The following SEC31B variants were observed in gnomAD, a reference collection of about 807,000 sequenced individuals.
SEC31B encodes protein transport protein Sec31B.
Under a neutral mutation model 135.0 loss-of-function variants are expected in SEC31B, and 113 were observed. That is an observed-to-expected ratio of 0.84 (90% CI 0.72 to 0.98). The LOEUF (loss-of-function observed/expected upper bound fraction) is 0.98. Ranked by LOEUF, SEC31B falls within the 50% of genes least tolerant of loss-of-function variation. The pLI is 0.00. For synonymous variants in SEC31B, 508 were observed against 549.4 expected (o/e 0.92, Z 1.05); for missense variants, 1,296 against 1,421.1 (o/e 0.91, Z 1.42).
At position 100,487,693 on chromosome 10, in the gene SEC31B, T is replaced by C; in HGVS notation, c.3463A>G (p.Ser1155Gly). ...AAGCTGGACACCTCGCTGAAGCTGC[T>C]ACAGCCCGCCACCTGGGCATGCACT... ...LAVHAQVAGC[S>G]SFSEVSSFMP... Residue 1155 changes from serine (S) to glycine (G), a missense_variant, in exon 26 of 26, where the codon AGC (serine) becomes GGC (glycine). Coordinates refer to ENST00000370345, the MANE Select transcript of SEC31B (RefSeq NM_015490.4). The C allele has an allele frequency of 6.2e-7, 1 of 1,613,946 alleles. No homozygotes were observed. Among genetic ancestry groups the C allele is most frequent in the Admixed American group, 1.7e-5 (1 of 60,004 alleles).
intron 3 of SEC31B, among the ~76,000 whole-genome samples, chr10:100,511,102 G>A (rs1044099690): frequency 6.6e-6 from 1 of 152,194 alleles, no homozygotes; most frequent in Non-Finnish European, 1.5e-5. Flanking sequence ...ACCTCAAGGG[G>A]GAGTCACCAA....
chr10:100,489,710 C>T lies in SEC31B; in HGVS notation c.3017G>A (p.Arg1006Lys). 1 of 1,614,056 alleles carries T rather than the reference C, an allele frequency of 6.2e-7. No homozygotes were observed. Among genetic ancestry groups the T allele is most frequent in the Admixed American group, 1.7e-5 (1 of 60,018 alleles). ...AGGGAAAGATGCATTGACCTTGTTC[C>T]TCTGGAGGTTTCCCCTGGGGGCTGG... ...EAPAPRGNLQ[R>K]NKLPETFMPP... Residue 1006 changes from arginine (R) to lysine (K), a missense_variant, in exon 22 of 26, where the codon AGG becomes AAG. By Grantham distance (26) the Arg-to-Lys change is conservative (BLOSUM62 2). Transcript: ENST00000370345.
chr10:100,490,637 C>G, intron 20 of SEC31B, 69 bp downstream of exon 20: 3 of 1,422,554 alleles, frequency 2.1e-6, no homozygotes, highest in Non-Finnish European at 2.8e-6. Context: ...CAAATCCATG[C>G]TGGCCATGCC....
chr10:100,508,322 A>G (rs1851671523), intron 5 of SEC31B: 2 of 547,890 alleles, frequency 3.7e-6, no homozygotes. Flanking sequence ...TTTAAAAAAC[A>G]GCCCTCTTGT....
At chr10:100,500,935 G>A (rs560460549) in intron 11 of SEC31B, among the ~76,000 whole-genome samples, 20 of 152,138 alleles carry the variant, frequency 1.3e-4, no homozygotes, top group Middle Eastern at 3.4e-3. Flanking sequence ...GGCCAGGCGC[G>A]GTGGCTCACG....
At chr10:100,506,587 TTAAG>T in intron 7 of SEC31B, 167 bp from the exon 8 acceptor site, 1 of 650,566 alleles carries the variant, frequency 1.5e-6, no homozygotes, top group Non-Finnish European at 2.6e-6. Context: ...TTTTGAAAAA[TTAAG>T]TAACTTTCCA....
chr10:100,509,787 T>A (rs1210747785), intron 3 of SEC31B, among the ~76,000 whole-genome samples: 1 of 152,218 alleles, frequency 6.6e-6, no homozygotes, highest in African/African-American at 2.4e-5. Context: ...TGTACATTTT[T>A]AAGTTAACAT....
rs1289701639 is a variant in SEC31B at position 100,499,144 on chromosome 10, T to C, written c.1584+16A>G. Reference sequence around the variant, plus strand: ...CTGTGTTACCATAGGTCAGGCTGACTGGACTCCTACCACACCTGGCTGCAG... The same window carrying C: ...CTGTGTTACCATAGGTCAGGCTGACCGGACTCCTACCACACCTGGCTGCAG... On this transcript the variant is annotated intron_variant, in intron 13 of 25. Coordinates refer to ENST00000370345, the MANE Select transcript of SEC31B (RefSeq NM_015490.4). 1 of 1,609,046 alleles carries C rather than the reference T, an allele frequency of 6.2e-7. No individual in the cohort carries two copies. The highest frequency in any genetic ancestry group is 8.5e-7 in the Non-Finnish European group (1 of 1,175,544).
At chr10:100,501,347 C>T (rs1450868134) in intron 11 of SEC31B, among the ~76,000 whole-genome samples, 2 of 152,176 alleles carry the variant, frequency 1.3e-5, no homozygotes, top group African/African-American at 4.8e-5. Flanking sequence ...AGGCTGAACT[C>T]CTGACCACTC....
intron 1 of SEC31B, among the ~76,000 whole-genome samples, chr10:100,517,905 C>T (rs1183419505): frequency 6.6e-6 from 1 of 152,082 alleles, no homozygotes; most frequent in Non-Finnish European, 1.5e-5. Flanking sequence ...CATTTAGTCT[C>T]CTTGATTTAA....
Position 100,490,797 on chromosome 10 carries a change from A to T in SEC31B, c.2559T>A (p.Tyr853Ter). 6.2e-7 allele frequency: 1 copy of T among 1,611,466 alleles called. No homozygotes were observed. The highest frequency in any genetic ancestry group is 8.5e-7 in the Non-Finnish European group (1 of 1,178,474). Residue 853 changes from tyrosine (Y) to a stop codon, truncating the protein, a stop_gained, in exon 20 of 26, where the codon TAT (tyrosine) becomes TAA (stop). Transcript: ENST00000370345. LOFTEE classifies it high-confidence loss of function. ...MPLAPSHPSP[Y>*]QGPRTQNISD... The stretch of plus-strand genomic sequence containing the variant: ...TTATATTCTGTGTCCTGGGACCCTG[A>T]TAAGGGCTAGGATGGGAAGGTGCCA...
chr10:100,496,198 CTCAA>C (rs1304419266), intron 18 of SEC31B, 56 bp downstream of exon 18: 18 of 1,555,546 alleles, frequency 1.2e-5, no homozygotes, highest in African/African-American at 4.1e-5. Flanking sequence ...TATGGAAGTG[CTCAA>C]TCAATGTTAG....
intron 9 of SEC31B, chr10:100,505,721 G>C: frequency 7.1e-7 from 1 of 1,412,602 alleles, no homozygotes; most frequent in Middle Eastern, 2.6e-4. Flanking sequence ...AATGGAGTGT[G>C]GCACAAAATG....
chr10:100,519,273 G>A (rs1229192977), intron 1 of SEC31B, among the ~76,000 whole-genome samples: 1 of 152,230 alleles, frequency 6.6e-6, no homozygotes, highest in East Asian at 1.9e-4. Flanking sequence ...GGCCCCCGCT[G>A]GGGTCAGATT....
At chr10:100,505,872 A>G in intron 9 of SEC31B, 168 bp downstream of exon 9, 1 of 1,501,082 alleles carries the variant, frequency 6.7e-7, no homozygotes, top group East Asian at 2.3e-5. Context: ...TGTGGCAGAA[A>G]CTAACATCCT....
At position 100,490,826 on chromosome 10, in the gene SEC31B, G is replaced by A. The variant is rs1212167599; in HGVS notation, c.2530C>T (p.Pro844Ser). The A allele has an allele frequency of 2.5e-6, 4 of 1,599,880 alleles. No homozygotes were observed. Among genetic ancestry groups the A allele is most frequent in the Non-Finnish European group, 3.4e-6 (4 of 1,171,212 alleles). The change falls in exon 20 of 26, where the codon CCC becomes TCC. Residue 844 changes from proline (P) to serine (S), a missense_variant. By Grantham distance (74) the Pro-to-Ser change is moderately conservative (BLOSUM62 -1). Coordinates refer to ENST00000370345, the MANE Select transcript of SEC31B (RefSeq NM_015490.4). ...GGGCTAGGATGGGAAGGTGCCAAGG[G>A]CATCGCTGGTGATGACTGAGGGGTG... ...VFTPQSSPAMPLAPSHPSPYQ... is the reference protein window; with the variant it reads ...VFTPQSSPAMSLAPSHPSPYQ...
chr10:100,490,401 G>C, intron 20 of SEC31B, 79 bp from the exon 21 acceptor site: 1 of 1,369,992 alleles, frequency 7.3e-7, no homozygotes, highest in Non-Finnish European at 9.8e-7. Flanking sequence ...GGAGAAACAG[G>C]ATTGCAATAA....
chr10:100,513,336 G>A (rs1449240075), intron 3 of SEC31B, among the ~76,000 whole-genome samples: 1 of 152,176 alleles, frequency 6.6e-6, no homozygotes, highest in Non-Finnish European at 1.5e-5. Context: ...CCTACAGAGT[G>A]GAGCAGGAGT....
At position 100,495,456 on chromosome 10, in the gene SEC31B, T is replaced by C. The variant is rs1404768411; in HGVS notation, c.2401A>G (p.Ile801Val). ...GAGTGGAGGGTAGCTCCCACAACAA[T>C]CCGGGGGAAGGGGAAAGGGGGAGAC... ...QQSPPFPFPR[I>V]VVGATLHSKE... The change falls in exon 19 of 26, where the codon ATT (isoleucine) becomes GTT (valine). Residue 801 changes from isoleucine (I) to valine (V), a missense_variant. Coordinates refer to ENST00000370345, the MANE Select transcript of SEC31B (RefSeq NM_015490.4). 1 of 1,613,534 alleles carries C rather than the reference T, an allele frequency of 6.2e-7. No individual in the cohort carries two copies. Among genetic ancestry groups the C allele is most frequent in the Non-Finnish European group, 8.5e-7 (1 of 1,179,894 alleles).
Sources: allele counts gnomAD v4.1 joint callset (sites outside exome capture counted in the v4.1 genomes callset), GRCh38; gene constraint gnomAD v4.1.1; transcripts MANE v1.5; gene names NCBI Gene and HGNC (gene_info 2026-07-23, HGNC 2026-07-21).